The following RAPSN variants were observed in gnomAD, a reference collection of about 807,000 sequenced individuals.
RAPSN encodes 43 kDa receptor-associated protein of the synapse.
In RAPSN, 33 loss-of-function variants were observed where a neutral mutation model predicts 45.7. The ratio of observed to expected loss-of-function variants is 0.72; its 90% CI spans 0.55 to 0.97. The LOEUF (loss-of-function observed/expected upper bound fraction) is 0.97. Ranked by LOEUF, RAPSN falls within the 50% of genes least tolerant of loss-of-function variation. The pLI is 0.00. For missense variants in RAPSN, 519 were observed against 559.4 expected (o/e 0.93, Z 0.73); for synonymous variants, 244 against 233.6 (o/e 1.04, Z -0.40).
intron 7 of RAPSN, among the ~76,000 whole-genome samples, chr11:47,438,277 G>A (rs774328098): frequency 2.0e-5 from 3 of 152,106 alleles, no homozygotes; most frequent in Non-Finnish European, 4.4e-5. Flanking sequence ...GAGTTGAGAG[G>A]ATGGGATGGA....
chr11:47,438,193 C>A (rs1042736568), intron 7 of RAPSN, 146 bp from the exon 8 acceptor site: 2 of 993,328 alleles, frequency 2.0e-6, no homozygotes, highest in South Asian at 1.4e-5. Flanking sequence ...AACGGTCCCC[C>A]CAGGCTCCCA....
At chr11:47,447,723 G>T in intron 2 of RAPSN, 89 bp downstream of exon 2, 1 of 1,396,550 alleles carries the variant, frequency 7.2e-7, no homozygotes, top group Non-Finnish European at 9.9e-7. Flanking sequence ...TAAAAGGAGG[G>T]CTGAATGAGG....
chr11:47,441,106 G>A, intron 6 of RAPSN, 53 bp downstream of exon 6: 1 of 1,609,856 alleles, frequency 6.2e-7, no homozygotes, highest in African/African-American at 1.3e-5. Flanking sequence ...CCAGACCCAA[G>A]TTCCCCACTT....
rs104894301 is a variant in RAPSN, at chr11:47,441,716, G to A, written c.807C>T (p.Tyr269=). 9.3e-6 allele frequency: 15 copies of A among 1,607,954 alleles called. No individual in the cohort carries two copies. Among genetic ancestry groups the A allele is most frequent in the East Asian group, 2.2e-5 (1 of 44,868 alleles). Residue 269 remains tyrosine (Y), a synonymous_variant, in exon 5 of 8, where the codon TAC becomes TAT. Coordinates refer to ENST00000298854, the MANE Select transcript of RAPSN (RefSeq NM_005055.5). ...RGDLETAFPR[Y]DSAMSIMTEI... Reference sequence around the variant, plus strand: ...CGGTCATGATGCTCATGGCGGAGTCGTACCTGGGGAAGGCTGTCTGCAGAG... The same window carrying A: ...CGGTCATGATGCTCATGGCGGAGTCATACCTGGGGAAGGCTGTCTGCAGAG...
intron 2 of RAPSN, among the ~76,000 whole-genome samples, chr11:47,443,603 G>C (rs1378823877): frequency 1.3e-5 from 2 of 151,954 alleles, no homozygotes; most frequent in African/African-American, 4.8e-5. Flanking sequence ...TCCCATCCAC[G>C]TGCAAACATG....
rs556595562 is a variant in RAPSN at position 47,438,717 on chromosome 11, C to T, written c.1166+15G>A. 8 of 1,554,814 alleles carry T rather than the reference C, an allele frequency of 5.1e-6. No homozygotes were observed. In the Admixed American group the frequency reaches 5.8e-5, roughly 11 times the overall value. ...GATCCTGCCCACCCCTGTCCACCCC[C>T]CCAGGAGCCCCCACCTGAGGTGGAA... is the stretch of plus-strand genomic sequence containing the variant. On this transcript the variant is annotated intron_variant, in intron 7 of 7. Transcript: ENST00000298854.
rs201124957 is a variant in RAPSN, at chr11:47,442,706, C to T, written c.640G>A (p.Val214Met). The change falls in exon 3 of 8, where the codon GTG (valine) becomes ATG (methionine). Residue 214 changes from valine to methionine, a missense_variant. Val to Met is a conservative substitution (Grantham distance 21). Coordinates refer to ENST00000298854, the MANE Select transcript of RAPSN (RefSeq NM_005055.5). ...YRAMSQYHMA[V>M]AYRLLGRLGS... Reference sequence around the variant, plus strand: ...AGGCGGCCCAGCAGGCGATAGGCCACGGCCATGTGGTACTGGCTCATGGCC... The same window carrying T: ...AGGCGGCCCAGCAGGCGATAGGCCATGGCCATGTGGTACTGGCTCATGGCC... 9.8e-5 allele frequency: 158 copies of T among 1,614,262 alleles called. 2 individuals carry two copies. The East Asian group carries it at 1.9e-3, about 19-fold the overall frequency.
chr11:47,442,906 T>C, intron 2 of RAPSN, 92 bp from the exon 3 acceptor site: 1 of 1,593,708 alleles, frequency 6.3e-7, no homozygotes, highest in South Asian at 1.1e-5. Flanking sequence ...TAACAGCAGG[T>C]AGGGGCAGGG....
chr11:47,441,628 TG>T lies in RAPSN; in HGVS notation c.894del (p.Arg299GlyfsTer25). ...ALLGVAKCWV[A>X]RKALDKALDA... ...GACCTCACCTTGTCCAGCGCCTTCC[TG>T]GCCACCCAGCACTTGGCCACACCCA... On this transcript the variant is annotated frameshift_variant, in exon 5 of 8. Coordinates refer to ENST00000298854, the MANE Select transcript of RAPSN (RefSeq NM_005055.5). LOFTEE classifies it high-confidence loss of function. 1 of 1,607,990 alleles carries T rather than the reference TG, an allele frequency of 6.2e-7. No individual in the cohort carries two copies. Among genetic ancestry groups the T allele is most frequent in the Non-Finnish European group, 8.5e-7 (1 of 1,179,698 alleles).
intron 1 of RAPSN, 89 bp downstream of exon 1, chr11:47,448,684 G>C: frequency 2.0e-6 from 3 of 1,529,990 alleles, no homozygotes; most frequent in Non-Finnish European, 2.7e-6. Flanking sequence ...ACACAGGGGA[G>C]CCCGAGGAGG....
Position 47,448,836 on chromosome 11 carries a change from G to A in RAPSN, c.129C>T (p.Phe43=). Residue 43 remains phenylalanine (F), a synonymous_variant, in exon 1 of 8, where the codon TTC becomes TTT. Coordinates refer to ENST00000298854, the MANE Select transcript of RAPSN (RefSeq NM_005055.5). ...CTGTGACCAGGCAGCCCAGCACGCGGAAGCGCCCCATGAGGTCCGAGCTCT... is the reference window on the plus strand; with the variant it reads ...CTGTGACCAGGCAGCCCAGCACGCGAAAGCGCCCCATGAGGTCCGAGCTCT... ...LEKSSDLMGR[F]RVLGCLVTAH... 6.2e-7 allele frequency: 1 copy of A among 1,613,966 alleles called. No homozygotes were observed. Among genetic ancestry groups the A allele is most frequent in the African/African-American group, 1.3e-5 (1 of 75,070 alleles).
At chr11:47,443,671 G>A (rs146945105) in intron 2 of RAPSN, among the ~76,000 whole-genome samples, 40 of 152,112 alleles carry the variant, frequency 2.6e-4, no homozygotes, top group Non-Finnish European at 4.9e-4. Flanking sequence ...AGTGGTTCAC[G>A]CCTGGAATCC....
intron 6 of RAPSN, among the ~76,000 whole-genome samples, chr11:47,439,712 A>ATTTTTTT (rs3972616): frequency 2.4e-5 from 3 of 127,270 alleles, no homozygotes; most frequent in East Asian, 2.3e-4. Flanking sequence ...GATTATGACG[A>ATTTTTTT]TTTTTTTTTT....
intron 6 of RAPSN, among the ~76,000 whole-genome samples, chr11:47,439,254 A>T (rs905771397): frequency 2.0e-5 from 3 of 152,162 alleles, no homozygotes; most frequent in Non-Finnish European, 2.9e-5. Context: ...CAGGTGGATC[A>T]CCTGAGGCCA....
intron 2 of RAPSN, among the ~76,000 whole-genome samples, chr11:47,446,912 C>T (rs1406561076): frequency 2.0e-5 from 3 of 152,032 alleles, no homozygotes; most frequent in African/African-American, 4.8e-5. Flanking sequence ...CCCCTGCCCC[C>T]GCCAAAAAAT....
At position 47,448,431 on chromosome 11, in the gene RAPSN, C is replaced by T. The variant is rs563069768; in HGVS notation, c.193-281G>A. Among the ~76,000 whole-genome samples the T allele has an allele frequency of 3.3e-5, 5 of 149,708 alleles. No individual in the cohort carries two copies. In the South Asian group the frequency reaches 8.6e-4, roughly 26 times the overall value. On this transcript the variant is annotated intron_variant, in intron 1 of 7. Transcript: ENST00000298854. The stretch of plus-strand genomic sequence containing the variant: ...TCTCCACCACCCACCCACCCCCAGC[C>T]GCAACCCTGGAGCCCACACCCCGCC...
chr11:47,441,090 C>T (rs1183092889), intron 6 of RAPSN, 69 bp downstream of exon 6: 5 of 1,595,096 alleles, frequency 3.1e-6, no homozygotes, highest in Non-Finnish European at 4.3e-6. Context: ...TCAGGAAGGC[C>T]CTTCCCCAGA....
At chr11:47,441,276 A>G in intron 5 of RAPSN, 64 bp from the exon 6 acceptor site, 2 of 1,596,498 alleles carry the variant, frequency 1.3e-6, no homozygotes, top group Non-Finnish European at 1.7e-6. Flanking sequence ...CTCACAGGGA[A>G]GCACAGGGTA....
chr11:47,448,020 G>T lies in RAPSN; in HGVS notation c.323C>A (p.Thr108Asn). Residue 108 changes from threonine to asparagine, a missense_variant, in exon 2 of 8, where the codon ACC becomes AAC. Thr to Asn is a moderately conservative substitution (Grantham distance 65). Transcript: ENST00000298854. ...EFHKTISYCK[T>N]CLGLPGTRAG... ...CCTGGTACCAGGCAGCCCAAGGCAG[G>T]TCTTGCAGTAGGAGATGGTCTTGTG... 2 of 1,614,080 alleles carry T rather than the reference G, an allele frequency of 1.2e-6. No homozygotes were observed. The highest frequency in any genetic ancestry group is 1.7e-6 in the Non-Finnish European group (2 of 1,180,010).
Sources: gnomAD v4.1 joint callset for allele counts (sites outside exome capture counted in the v4.1 genomes callset) on GRCh38, gnomAD v4.1.1 for gene constraint, MANE v1.5 for transcripts, NCBI Gene and HGNC (gene_info 2026-07-23, HGNC 2026-07-21) for gene names.